The following MYCBP2 variants were observed in gnomAD, a reference collection of about 807,000 sequenced individuals.
The protein encoded by MYCBP2 is E3 ubiquitin-protein ligase MYCBP2.
Under a neutral mutation model 525.3 loss-of-function variants are expected in MYCBP2, and 120 were observed. The ratio of observed to expected loss-of-function variants is 0.23; its 90% confidence interval spans 0.20 to 0.27. The LOEUF is 0.27. MYCBP2 is among the 10% of genes least tolerant of loss of function. The pLI is 1.00. For synonymous variants in MYCBP2, 1,894 were observed against 1,955.8 expected, an observed-to-expected ratio of 0.97 and a Z score of 0.83; for missense variants, 4,149 against 5,657.1, an observed-to-expected ratio of 0.73 and a Z score of 8.55.
At position 77,077,194 on chromosome 13, in the gene MYCBP2, T is replaced by C; in HGVS notation, c.11678A>G (p.Asn3893Ser). 1.9e-6 allele frequency: 3 copies of C among 1,613,996 alleles called. No homozygotes were observed. The highest frequency in any genetic ancestry group is 2.5e-6 in the Non-Finnish European group (3 of 1,179,942). Residue 3893 changes from asparagine to serine, a missense_variant, in exon 67 of 83, where the codon AAC (asparagine) becomes AGC (serine). This residue lies in a region of MYCBP2 where 509 missense variants were observed against 789.4 expected (regional missense o/e 0.64). Transcript: ENST00000544440. ...TACTCGCAGAGTCTCAGCTTCACAG[T>C]TCCTCTGCTGGGCCACACTGGCTGA... ...QISASVAQQR[N>S]CEAETLRVFR...
At chr13:77,183,549 T>TC (rs1343908412) in intron 32 of MYCBP2, among the ~76,000 whole-genome samples, 1 of 115,756 alleles carries the variant, frequency 8.6e-6, no homozygotes, top group African/African-American at 3.1e-5. Flanking sequence ...TTCTTTTTTT[T>TC]TTTTTTTTTT....
chr13:77,238,654 AACTAG>A (rs1318128573), intron 17 of MYCBP2, among the ~76,000 whole-genome samples: 1 of 152,270 alleles, frequency 6.6e-6, no homozygotes, highest in Non-Finnish European at 1.5e-5. Flanking sequence ...TAAAAAAATT[AACTAG>A]ACTATTAATA....
intron 13 of MYCBP2, among the ~76,000 whole-genome samples, chr13:77,258,480 C>T (rs967303134): frequency 7.2e-5 from 11 of 151,962 alleles, no homozygotes; most frequent in African/African-American, 2.7e-4. Flanking sequence ...TATTATTTTT[C>T]CAATATACAT....
At chr13:77,143,922 C>T (rs1462395553) in intron 49 of MYCBP2, among the ~76,000 whole-genome samples, 1 of 152,180 alleles carries the variant, frequency 6.6e-6, no homozygotes, top group Non-Finnish European at 1.5e-5. Flanking sequence ...TATAGGACCA[C>T]CATTATATAC....
chr13:77,178,763 A>G (rs1400643907), intron 34 of MYCBP2, among the ~76,000 whole-genome samples: 1 of 152,172 alleles, frequency 6.6e-6, no homozygotes, highest in Non-Finnish European at 1.5e-5. Context: ...GACCTGTGGG[A>G]ACTCCCAAAG....
chr13:77,087,337 T>A (rs1301548619), intron 62 of MYCBP2, 147 bp downstream of exon 62: 1 of 695,520 alleles, frequency 1.4e-6, no homozygotes, highest in East Asian at 2.8e-5. Flanking sequence ...CAGGTCTCAT[T>A]ATTAATACTT....
intron 55 of MYCBP2, among the ~76,000 whole-genome samples, chr13:77,119,332 A>C (rs1452999667): frequency 6.6e-6 from 1 of 152,178 alleles, no homozygotes; most frequent in Non-Finnish European, 1.5e-5. Flanking sequence ...TGATGCAGAA[A>C]CTGGAAAATA....
chr13:77,047,712 G>A (rs1211112995), intron 82 of MYCBP2, among the ~76,000 whole-genome samples: 5 of 152,166 alleles, frequency 3.3e-5, no homozygotes, highest in Non-Finnish European at 7.4e-5. Context: ...TAAAGGACAA[G>A]ACCTGGGATA....
At chr13:77,229,705 A>G (rs2066866521) in intron 18 of MYCBP2, among the ~76,000 whole-genome samples, 1 of 152,200 alleles carries the variant, frequency 6.6e-6, no homozygotes, top group Admixed American at 6.5e-5. Context: ...TTAAAATAAG[A>G]AAACTGAAGC....
chr13:77,195,736 C>T (rs2061694592), intron 26 of MYCBP2, among the ~76,000 whole-genome samples: 1 of 152,180 alleles, frequency 6.6e-6, no homozygotes, highest in South Asian at 2.1e-4. Flanking sequence ...GTCTTATCTC[C>T]ATTCTCTCCT....
Position 77,061,430 on chromosome 13 carries a change from C to T in MYCBP2, c.12904-129G>A, listed in dbSNP as rs1174002467. On this transcript the variant is annotated intron_variant, in intron 75 of 82. Coordinates refer to ENST00000544440, the MANE Select transcript of MYCBP2 (RefSeq NM_015057.5). ...CACTCTAAGAAGTTTTGAATATTTC[C>T]AATCTTCTCTTTAATCTTCACAGCA... is the stretch of plus-strand genomic sequence containing the variant. 9.8e-6 allele frequency: 9 copies of T among 920,572 alleles called. No individual in the cohort carries two copies. In the East Asian group the frequency reaches 2.3e-4, roughly 23 times the overall value. The allele number at this position is 920,572 out of a possible 1,614,324, so 57.0% of individuals were successfully genotyped here.
intron 52 of MYCBP2, among the ~76,000 whole-genome samples, chr13:77,128,503 C>G (rs368474102): frequency 4.6e-5 from 7 of 151,744 alleles, no homozygotes; most frequent in Non-Finnish European, 7.4e-5. Context: ...ATTATAATTG[C>G]AAACTAGTCA....
chr13:77,191,521 A>G (rs1412581785), intron 28 of MYCBP2, among the ~76,000 whole-genome samples, 158 bp downstream of exon 28: 1 of 152,206 alleles, frequency 6.6e-6, no homozygotes, highest in Non-Finnish European at 1.5e-5. Context: ...CTAGACCTCA[A>G]TTTGGCATGA....
chr13:77,161,494 C>T (rs1178484094), intron 44 of MYCBP2, among the ~76,000 whole-genome samples: 1 of 152,222 alleles, frequency 6.6e-6, no homozygotes, highest in African/African-American at 2.4e-5. Context: ...AGCTCACCAA[C>T]TGTACCAACC....
intron 37 of MYCBP2, 82 bp downstream of exon 37, chr13:77,174,229 C>A: frequency 7.8e-7 from 1 of 1,276,100 alleles, no homozygotes; most frequent in Non-Finnish European, 1.1e-6. Flanking sequence ...TATAAGTATC[C>A]AGTTAGCAAT....
chr13:77,173,811 T>A (rs975320016), intron 37 of MYCBP2, among the ~76,000 whole-genome samples: 1 of 152,214 alleles, frequency 6.6e-6, no homozygotes, highest in South Asian at 2.1e-4. Flanking sequence ...AAGGTTTACA[T>A]AAGGAATGGT....
chr13:77,181,503 T>A (rs1307042576), intron 33 of MYCBP2, among the ~76,000 whole-genome samples, 198 bp downstream of exon 33: 1 of 152,104 alleles, frequency 6.6e-6, no homozygotes, highest in Non-Finnish European at 1.5e-5. Context: ...ATTTTATAGG[T>A]AAATATGAAC....
In MYCBP2 at chr13:77,319,363, G is replaced by A. The variant is rs193172911; in HGVS notation, c.302+7111C>T. 1.5e-4 allele frequency among the ~76,000 whole-genome samples: 23 copies of A among 152,200 alleles called. No homozygotes were observed. The East Asian group carries it at 3.1e-3, about 20-fold the overall frequency. On this transcript the variant is annotated intron_variant, in intron 1 of 82. Coordinates refer to ENST00000544440, the MANE Select transcript of MYCBP2 (RefSeq NM_015057.5). The stretch of plus-strand genomic sequence containing the variant: ...TCAGGGTTTTCAAGTGCACTCAGAT[G>A]CCCCATCCTAAGGGTCAGGATTCCT...
intron 48 of MYCBP2, among the ~76,000 whole-genome samples, chr13:77,145,690 T>C (rs2055419267): frequency 6.6e-6 from 1 of 152,186 alleles, no homozygotes; most frequent in African/African-American, 2.4e-5. Flanking sequence ...GTACTGTTCC[T>C]AACAAATAAA....
Sources: allele counts gnomAD v4.1 joint callset (sites outside exome capture counted in the v4.1 genomes callset), GRCh38; gene constraint gnomAD v4.1.1; regional missense constraint gnomAD v4.1.1; transcripts MANE v1.5; gene names NCBI Gene and HGNC (gene_info 2026-07-23, HGNC 2026-07-21).